Variants in ATP11C observed in about 807,000 individuals in gnomAD.
ATP11C encodes the protein ATPase phospholipid transporting 11C (ATP11C blood group), also known as phospholipid-transporting ATPase IG.
A neutral mutation model predicts 97.4 loss-of-function variants in ATP11C; 36 were observed. The ratio of observed to expected loss-of-function variants is 0.37; its 90% confidence interval spans 0.28 to 0.49. ATP11C has a LOEUF of 0.49. ATP11C is among the 20% of genes least tolerant of loss of function. The pLI, the probability that ATP11C is intolerant of heterozygous loss-of-function variation, is 0.98. For synonymous variants in ATP11C, 275 were observed against 290.9 expected (o/e 0.95, Z 0.56); for missense variants, 730 against 824.6 (o/e 0.89, Z 1.40).
At chrX:139,757,354 T>C (rs764685038) in intron 23 of ATP11C, among the ~76,000 whole-genome samples, 1 of 111,753 alleles carries the variant, frequency 8.9e-6, no homozygotes, top group South Asian at 3.7e-4. Flanking sequence ...GTAATACATG[T>C]TCAGAAAACA....
chrX:139,736,733 T>C (rs2148616603), intron 28 of ATP11C, among the ~76,000 whole-genome samples: 1 of 111,371 alleles, frequency 9.0e-6, no homozygotes, highest in Admixed American at 9.6e-5. Flanking sequence ...CCATAAGACA[T>C]GTAGAAAGCA....
chrX:139,901,381 G>C (rs1033817939), intron 1 of ATP11C, among the ~76,000 whole-genome samples: 1 of 112,003 alleles, frequency 8.9e-6, no homozygotes, highest in Admixed American at 9.5e-5. Flanking sequence ...GCACTACAGT[G>C]ATGGGCTGAA....
upstream of ATP11C, among the ~76,000 whole-genome samples, chrX:139,935,460 G>A (rs2085512231): frequency 9.0e-6 from 1 of 111,044 alleles, no homozygotes; most frequent in Non-Finnish European, 1.9e-5. Context: ...CAGCTACTCA[G>A]GAGGCTAAGA....
At chrX:139,741,994 T>C (rs1161757554) in intron 26 of ATP11C, among the ~76,000 whole-genome samples, 1 of 111,443 alleles carries the variant, frequency 9.0e-6, no homozygotes, top group Non-Finnish European at 1.9e-5. Flanking sequence ...CAGTCTTGAA[T>C]TGCTATTCTT....
At chrX:139,843,809 T>C (rs1389841811) in intron 1 of ATP11C, among the ~76,000 whole-genome samples, 3 of 108,669 alleles carry the variant, frequency 2.8e-5, no homozygotes, top group Non-Finnish European at 5.7e-5. Context: ...TATGAAACAG[T>C]GCCTTCATAT....
intron 1 of ATP11C, chrX:139,832,079 C>T: frequency 3.0e-6 from 3 of 997,706 alleles, no homozygotes; most frequent in Non-Finnish European, 4.1e-6. Flanking sequence ...AAATAAAAAG[C>T]AGGAATAAAG....
intron 1 of ATP11C, among the ~76,000 whole-genome samples, chrX:139,829,102 C>T (rs1050900872): frequency 1.8e-5 from 2 of 111,634 alleles, no homozygotes; most frequent in South Asian, 7.5e-4. Flanking sequence ...TGTGTGTGCA[C>T]ATCCCGGCAG....
At chrX:139,729,561 G>A (rs564621689) in intron 29 of ATP11C, among the ~76,000 whole-genome samples, 1 of 111,562 alleles carries the variant, frequency 9.0e-6, no homozygotes, top group African/African-American at 3.3e-5. Flanking sequence ...TCTATGAGTC[G>A]ATTGATTCTT....
chrX:139,907,684 G>GT (rs888800123), intron 1 of ATP11C, among the ~76,000 whole-genome samples: 13 of 109,272 alleles, frequency 1.2e-4, no homozygotes, highest in African/African-American at 4.0e-4. Context: ...GGAGGCGGAG[G>GT]TTACAGTGAG....
At chrX:139,849,753 A>T (rs1165238111) in intron 1 of ATP11C, among the ~76,000 whole-genome samples, 3 of 112,553 alleles carry the variant, frequency 2.7e-5, no homozygotes, top group African/African-American at 9.7e-5. Context: ...TTTAAATGCC[A>T]CTGTGATGGT....
chrX:139,769,800 G>C (rs1208804025), intron 19 of ATP11C, among the ~76,000 whole-genome samples: 1 of 110,889 alleles, frequency 9.0e-6, no homozygotes, highest in African/African-American at 3.3e-5. Context: ...AATCACCTGG[G>C]AATCTTCTTA....
At position 139,798,796 on chromosome X, in the gene ATP11C, T is replaced by A. The variant is rs1374096754; in HGVS notation, c.711-53A>T. ...CAAACAAGCCAATAGCATCAACAACTCTGGGGACAGATTTTGCCCTGACAC... is the reference window on the plus strand; with the variant it reads ...CAAACAAGCCAATAGCATCAACAACACTGGGGACAGATTTTGCCCTGACAC... On this transcript the variant is annotated intron_variant, in intron 8 of 29. Coordinates refer to ENST00000682941, the MANE Select transcript of ATP11C (RefSeq NM_001353812.2). 3 of 1,007,683 alleles carry A rather than the reference T, an allele frequency of 3.0e-6. No individual in the cohort carries two copies. The Admixed American group carries it at 7.1e-5, about 24-fold the overall frequency. 83.0% of individuals were successfully genotyped at this position (1,007,683 alleles called of 1,213,427 possible).
chrX:139,866,824 T>G (rs1343529080), intron 1 of ATP11C, among the ~76,000 whole-genome samples: 1 of 111,600 alleles, frequency 9.0e-6, no homozygotes, highest in Non-Finnish European at 1.9e-5. Flanking sequence ...GGCTCACACC[T>G]ATAAATCCAA....
intron 23 of ATP11C, among the ~76,000 whole-genome samples, chrX:139,756,271 G>T: frequency 8.9e-6 from 1 of 111,929 alleles, no homozygotes; most frequent in Middle Eastern, 4.6e-3. Context: ...AAACAAAAAC[G>T]AGATACCATC....
chrX:139,766,254 G>T (rs1403162817), intron 20 of ATP11C, among the ~76,000 whole-genome samples: 1 of 111,686 alleles, frequency 9.0e-6, no homozygotes, highest in African/African-American at 3.3e-5. Flanking sequence ...ACAGAATGAG[G>T]ACTAAACCAC....
At chrX:139,931,721 G>A (rs1426737856) in intron 1 of ATP11C, among the ~76,000 whole-genome samples, 1 of 105,296 alleles carries the variant, frequency 9.5e-6, no homozygotes, top group Non-Finnish European at 2.0e-5. Flanking sequence ...GTCCCCCCAC[G>A]AGTCCCCCCC....
Position 139,797,153 on chromosome X carries a change from A to G in ATP11C, c.1008+23T>C, listed in dbSNP as rs375665316. ...GGCTCAGTCACAAAAAATAGTTTCA[A>G]TTTTCAGCAGAAAACAAATTACCTT... On this transcript the variant is annotated intron_variant, in intron 11 of 29. Transcript: ENST00000682941. 3 of 1,192,535 alleles carry G rather than the reference A, an allele frequency of 2.5e-6. No homozygotes were observed. In the African/African-American group the frequency reaches 5.3e-5, roughly 21 times the overall value.
At chrX:139,767,649 A>C (rs1251130592) in intron 20 of ATP11C, among the ~76,000 whole-genome samples, 1 of 111,721 alleles carries the variant, frequency 9.0e-6, no homozygotes, top group Non-Finnish European at 1.9e-5. Context: ...AGTCAGAGAA[A>C]TAGACTTGCT....
chrX:139,847,369 T>C (rs1441471683), intron 1 of ATP11C, among the ~76,000 whole-genome samples: 1 of 108,950 alleles, frequency 9.2e-6, no homozygotes, highest in Non-Finnish European at 1.9e-5. Context: ...GGCAACAGAG[T>C]GAGACCCTGT....
Sources: allele counts gnomAD v4.1 joint callset (sites outside exome capture counted in the v4.1 genomes callset), GRCh38; gene constraint gnomAD v4.1.1; transcripts MANE v1.5; gene names NCBI Gene and HGNC (gene_info 2026-07-23, HGNC 2026-07-21).